The following KCND2 variants were observed in gnomAD, a reference collection of about 807,000 sequenced individuals.
The protein encoded by KCND2 is potassium voltage-gated channel subfamily D member 2, also known as A-type voltage-gated potassium channel KCND2.
In KCND2, 16 loss-of-function variants were observed where a neutral mutation model predicts 54.4. The observed-to-expected ratio is 0.29, with a 90% CI of 0.20 to 0.45. The LOEUF is 0.45. Ranked by LOEUF, KCND2 falls within the 20% of genes least tolerant of loss-of-function variation. The pLI is 1.00. For synonymous variants in KCND2, 317 were observed against 310.7 expected (o/e 1.02, Z -0.21); for missense variants, 486 against 824.2 (o/e 0.59, Z 5.02).
At chr7:120,299,355 A>G (rs1209907314) in intron 1 of KCND2, among the ~76,000 whole-genome samples, 1 of 152,114 alleles carries the variant, frequency 6.6e-6, no homozygotes, top group Non-Finnish European at 1.5e-5. Context: ...TATTGTTACC[A>G]GATTTTCACC....
At chr7:120,677,130 G>A (rs1792071104) in intron 1 of KCND2, among the ~76,000 whole-genome samples, 1 of 152,178 alleles carries the variant, frequency 6.6e-6, no homozygotes, top group African/African-American at 2.4e-5. Flanking sequence ...CTTAAGAGCA[G>A]AGGGTGACTA....
intron 1 of KCND2, among the ~76,000 whole-genome samples, chr7:120,337,144 T>TA (rs1248115205): frequency 1.3e-4 from 20 of 152,080 alleles, no homozygotes; most frequent in Admixed American, 1.2e-3. Context: ...GTCATTCCTT[T>TA]AAAAAAAGTA....
intron 1 of KCND2, among the ~76,000 whole-genome samples, chr7:120,323,108 G>A (rs933433529): frequency 7.9e-5 from 12 of 151,798 alleles, no homozygotes; most frequent in East Asian, 1.9e-4. Flanking sequence ...TTCAAGCCTC[G>A]CATGCATTAG....
At chr7:120,692,798 A>G (rs75345053) in intron 1 of KCND2, among the ~76,000 whole-genome samples, 6,122 of 152,250 alleles carry the variant, frequency 0.04, 186 homozygotes, top group Middle Eastern at 0.068. Flanking sequence ...GGCATTTCAC[A>G]CTGTGAAGCT....
intron 1 of KCND2, among the ~76,000 whole-genome samples, chr7:120,343,990 C>A (rs1800277404): frequency 6.6e-6 from 1 of 152,054 alleles, no homozygotes; most frequent in African/African-American, 2.4e-5. Flanking sequence ...TAATGCAGTT[C>A]AAAGCAGTCA....
chr7:120,444,563 C>A (rs1477916260), intron 1 of KCND2, among the ~76,000 whole-genome samples: 1 of 152,024 alleles, frequency 6.6e-6, no homozygotes, highest in Non-Finnish European at 1.5e-5. Flanking sequence ...AAAATATTTG[C>A]TGTAAAACCC....
At chr7:120,356,899 T>A (rs1800513847) in intron 1 of KCND2, among the ~76,000 whole-genome samples, 2 of 152,158 alleles carry the variant, frequency 1.3e-5, no homozygotes, top group Non-Finnish European at 2.9e-5. Context: ...TGGTTAGCGT[T>A]ACTGGGGTTG....
intron 1 of KCND2, among the ~76,000 whole-genome samples, chr7:120,408,251 A>G (rs889937160): frequency 6.6e-6 from 1 of 151,986 alleles, no homozygotes; most frequent in African/African-American, 2.4e-5. Flanking sequence ...GAGGAGCAGA[A>G]TGAGATGTGG....
chr7:120,366,851 G>C (rs533113809), intron 1 of KCND2, among the ~76,000 whole-genome samples: 1 of 152,054 alleles, frequency 6.6e-6, no homozygotes, highest in Admixed American at 6.6e-5. Flanking sequence ...ACCAACTTTT[G>C]TGTCACTTTT....
chr7:120,417,613 G>C (rs528524098), intron 1 of KCND2, among the ~76,000 whole-genome samples: 2 of 152,336 alleles, frequency 1.3e-5, no homozygotes, highest in African/African-American at 2.4e-5. Flanking sequence ...CTGTAAGCAA[G>C]TATAAATTTT....
intron 1 of KCND2, among the ~76,000 whole-genome samples, chr7:120,510,315 C>T (rs1188715406): frequency 6.6e-6 from 1 of 152,084 alleles, no homozygotes; most frequent in Non-Finnish European, 1.5e-5. Flanking sequence ...GAAGAAGAAA[C>T]TGACTCCAGA....
At chr7:120,613,026 T>C (rs1792975669) in intron 1 of KCND2, among the ~76,000 whole-genome samples, 1 of 151,670 alleles carries the variant, frequency 6.6e-6, no homozygotes, top group Non-Finnish European at 1.5e-5. Flanking sequence ...AAGATATCCA[T>C]AGAATTTGGG....
At chr7:120,498,532 T>A (rs769581712) in intron 1 of KCND2, among the ~76,000 whole-genome samples, 1 of 151,794 alleles carries the variant, frequency 6.6e-6, no homozygotes, top group African/African-American at 2.4e-5. Flanking sequence ...CCCAACACTT[T>A]GAGAGGCCAA....
intron 1 of KCND2, among the ~76,000 whole-genome samples, chr7:120,284,967 G>A (rs558611537): frequency 1.2e-4 from 18 of 152,212 alleles, no homozygotes; most frequent in African/African-American, 3.6e-4. Flanking sequence ...TATTTTATTT[G>A]TAATTTTTAA....
intron 1 of KCND2, among the ~76,000 whole-genome samples, chr7:120,586,197 AGGCATAAAGTACAGAT>A (rs1792598820): frequency 2.0e-5 from 3 of 152,076 alleles, no homozygotes; most frequent in Non-Finnish European, 4.4e-5. Context: ...ACACACACAC[AGGCATAAAGTACAGAT>A]GGCTACAGAA....
chr7:120,660,794 A>G (rs1171677699), intron 1 of KCND2, among the ~76,000 whole-genome samples: 1 of 152,284 alleles, frequency 6.6e-6, no homozygotes, highest in South Asian at 2.1e-4. Flanking sequence ...ATATATTCCT[A>G]TTGCATAGCT....
At chr7:120,709,274 A>G (rs1027900441) in intron 1 of KCND2, among the ~76,000 whole-genome samples, 2 of 152,158 alleles carry the variant, frequency 1.3e-5, no homozygotes, top group Admixed American at 1.3e-4. Flanking sequence ...AATTATTACC[A>G]TGAATTTTAC....
intron 1 of KCND2, among the ~76,000 whole-genome samples, chr7:120,505,399 T>G (rs1802998921): frequency 6.6e-6 from 1 of 151,866 alleles, no homozygotes; most frequent in Admixed American, 6.6e-5. Flanking sequence ...CAGTTGCAAA[T>G]GAAACACTGC....
At chr7:120,686,995 G>A (rs1336267417) in intron 1 of KCND2, among the ~76,000 whole-genome samples, 1 of 152,100 alleles carries the variant, frequency 6.6e-6, no homozygotes, top group Non-Finnish European at 1.5e-5. Flanking sequence ...ACAATCACCT[G>A]ATGGTCACTT....
Sources: gnomAD v4.1 joint callset for allele counts (sites outside exome capture counted in the v4.1 genomes callset) on GRCh38, gnomAD v4.1.1 for gene constraint, MANE v1.5 for transcripts, NCBI Gene and HGNC (gene_info 2026-07-23, HGNC 2026-07-21) for gene names.